Variants in DPYS observed in about 807,000 individuals in gnomAD.
The protein encoded by DPYS is dihydropyrimidinase, also known as dihydropyrimidine amidohydrolase.
DPYS carries 39 observed loss-of-function variants against 50.3 expected under a neutral mutation model. That is an observed-to-expected ratio of 0.78 (90% CI 0.60 to 1.01). The LOEUF is 1.01. DPYS is among the 50% of genes least tolerant of loss of function. The pLI is 0.00. For missense variants in DPYS, 659 were observed against 680.9 expected, an observed-to-expected ratio of 0.97 and a Z score of 0.36; for synonymous variants, 245 against 250.7, an observed-to-expected ratio of 0.98 and a Z score of 0.22.
At chr8:104,427,611 G>A (rs1025385297) in intron 6 of DPYS, among the ~76,000 whole-genome samples, 4 of 151,776 alleles carry the variant, frequency 2.6e-5, no homozygotes, top group South Asian at 2.1e-4. Context: ...TCAAGCATTC[G>A]TGCCAATGAC....
intron 8 of DPYS, among the ~76,000 whole-genome samples, chr8:104,389,411 A>T (rs923305813): frequency 4.6e-5 from 7 of 152,224 alleles, no homozygotes; most frequent in Admixed American, 4.6e-4. Context: ...GCCATAGGGA[A>T]CCATCTCCAG....
intron 7 of DPYS, among the ~76,000 whole-genome samples, chr8:104,394,692 T>A (rs1811518735): frequency 1.3e-5 from 2 of 151,704 alleles, no homozygotes; most frequent in African/African-American, 4.8e-5. Flanking sequence ...ACTTTCCTGC[T>A]TGAAACCCTC....
chr8:104,413,594 T>C (rs997245165), intron 7 of DPYS, among the ~76,000 whole-genome samples: 4 of 152,134 alleles, frequency 2.6e-5, no homozygotes, highest in African/African-American at 9.7e-5. Flanking sequence ...AAACCAGCCA[T>C]TTACTATAAT....
At chr8:104,407,091 T>C (rs576459702) in intron 7 of DPYS, among the ~76,000 whole-genome samples, 3 of 152,368 alleles carry the variant, frequency 2.0e-5, no homozygotes, top group Admixed American at 6.5e-5. Flanking sequence ...ATTTACTGCA[T>C]GCTACTAAAC....
chr8:104,464,213 G>C (rs1416919809), intron 1 of DPYS, among the ~76,000 whole-genome samples: 1 of 152,176 alleles, frequency 6.6e-6, no homozygotes, highest in Non-Finnish European at 1.5e-5. Context: ...AATCCTTTGA[G>C]ATGTTGACAA....
At chr8:104,393,042 G>T in intron 7 of DPYS, 51 bp from the exon 8 acceptor site, 5 of 1,523,942 alleles carry the variant, frequency 3.3e-6, no homozygotes, top group African/African-American at 1.4e-5. Flanking sequence ...CAGCTCACTT[G>T]ATAAATATAA....
At chr8:104,416,897 T>A (rs1812387680) in intron 7 of DPYS, among the ~76,000 whole-genome samples, 1 of 152,108 alleles carries the variant, frequency 6.6e-6, no homozygotes, top group African/African-American at 2.4e-5. Flanking sequence ...TACCCAAGGA[T>A]GACAGTCATT....
chr8:104,409,093 G>A (rs1406698944), intron 7 of DPYS, among the ~76,000 whole-genome samples: 1 of 151,732 alleles, frequency 6.6e-6, no homozygotes, highest in African/African-American at 2.4e-5. Context: ...ACTGTGCCCG[G>A]CCACACATGT....
intron 7 of DPYS, 23 bp from the exon 8 acceptor site, chr8:104,393,014 A>C: frequency 6.2e-7 from 1 of 1,608,942 alleles, no homozygotes; most frequent in Non-Finnish European, 8.5e-7. Context: ...AAACAACAAA[A>C]AAGTTCTGGA....
In DPYS at chr8:104,381,232, G is replaced by A. The variant is rs764262682; in HGVS notation, c.1526C>T (p.Ala509Val). The part of the protein sequence containing the change: ...TLKSRVTKED[A>V]TAGTRKQAHP ...GGCCTGTTTCCTGGTCCCTGCTGTG[G>A]CATCTTCTTTTGTCACTCTGGATTT... Residue 509 changes from alanine (A) to valine (V), a missense_variant, in exon 9 of 10, where the codon GCC becomes GTC. Transcript: ENST00000351513. 1.9e-6 allele frequency: 3 copies of A among 1,614,094 alleles called. No homozygotes were observed. Among genetic ancestry groups the A allele is most frequent in the South Asian group, 1.1e-5 (1 of 91,078 alleles).
Position 104,429,685 on chromosome 8 carries a change from A to G in DPYS, c.810T>C (p.Gly270=). The G allele has an allele frequency of 3.1e-6, 5 of 1,614,122 alleles. No individual in the cohort carries two copies. The highest frequency in any genetic ancestry group is 4.2e-6 in the Non-Finnish European group (5 of 1,180,012). ...TGCCAAGACTGGCTGCTATGGGTTC[A>G]CCATAGACCACCTTCCCTGGAAAGA... ...DARRDGKVVY[G]EPIAASLGTD... Residue 270 remains glycine, a synonymous_variant, in exon 5 of 10, where the codon GGT becomes GGC. Transcript: ENST00000351513.
chr8:104,407,276 T>C lies in DPYS; in HGVS notation c.1236-14285A>G, dbSNP rs572176465. Among the ~76,000 whole-genome samples, 282 of 152,250 alleles carry C rather than the reference T, an allele frequency of 1.9e-3. 2 individuals carry two copies. The highest frequency in any genetic ancestry group is 3.3e-3 in the Non-Finnish European group (223 of 68,046). On this transcript the variant is annotated intron_variant, in intron 7 of 9. Coordinates refer to ENST00000351513, the MANE Select transcript of DPYS (RefSeq NM_001385.3). ...TAGTAAGTGCTTAACCACTGTATAG[T>C]GTCTCTCACTATAAGTGATCCATCC...
rs1274076104 is a variant in DPYS at position 104,424,268 on chromosome 8, A to G, written c.1214T>C (p.Ile405Thr). ...IAVGSDADIV[I>T]WDPKGTRTIS... is the part of the protein sequence containing the mutation. ...TTACCTTGTGCCTTTTGGGTCCCAA[A>G]TAACAATGTCAGCATCTGATCCTAC... The change falls in exon 7 of 10, where the codon ATT becomes ACT. Residue 405 changes from isoleucine to threonine, a missense_variant. Coordinates refer to ENST00000351513, the MANE Select transcript of DPYS (RefSeq NM_001385.3). 1 of 1,614,044 alleles carries G rather than the reference A, an allele frequency of 6.2e-7. No individual in the cohort carries two copies. Among genetic ancestry groups the G allele is most frequent in the Non-Finnish European group, 8.5e-7 (1 of 1,180,012 alleles).
At chr8:104,383,377 A>G (rs987477528) in intron 8 of DPYS, among the ~76,000 whole-genome samples, 18 of 151,938 alleles carry the variant, frequency 1.2e-4, no homozygotes, top group African/African-American at 4.1e-4. Context: ...TAATCTGTTC[A>G]CTCGTCAGTC....
At position 104,411,047 on chromosome 8, in the gene DPYS, C is replaced by T. The variant is rs530060664; in HGVS notation, c.1235+13200G>A. Among the ~76,000 whole-genome samples, 3 of 152,260 alleles carry T rather than the reference C, an allele frequency of 2.0e-5. No homozygotes were observed. The South Asian group carries it at 6.2e-4, about 32-fold the overall frequency. On this transcript the variant is annotated intron_variant, in intron 7 of 9. Transcript: ENST00000351513. ...TACTCCTTTGTCAAGGAGACCAGCACGTGAGACCTCCTTCATCTCTGGTAC... is the reference window on the plus strand; with the variant it reads ...TACTCCTTTGTCAAGGAGACCAGCATGTGAGACCTCCTTCATCTCTGGTAC...
intron 8 of DPYS, among the ~76,000 whole-genome samples, chr8:104,388,916 T>C (rs1186581761): frequency 1.3e-5 from 2 of 152,206 alleles, no homozygotes; most frequent in Non-Finnish European, 2.9e-5. Flanking sequence ...ATCCCACTAT[T>C]TGAAATAAGG....
At chr8:104,436,514 G>A (rs961447546) in intron 4 of DPYS, among the ~76,000 whole-genome samples, 4 of 152,144 alleles carry the variant, frequency 2.6e-5, no homozygotes, top group African/African-American at 9.7e-5. Flanking sequence ...GGAGGCTGAG[G>A]CAGGAGAATC....
chr8:104,424,444 T>C (rs1812653072), intron 6 of DPYS, 55 bp from the exon 7 acceptor site: 5 of 1,578,276 alleles, frequency 3.2e-6, no homozygotes, highest in Non-Finnish European at 3.5e-6. Context: ...AAGTATCCTA[T>C]CGATAAAATG....
chr8:104,459,165 G>C (rs984675594), intron 1 of DPYS, among the ~76,000 whole-genome samples: 1 of 152,126 alleles, frequency 6.6e-6, no homozygotes, highest in Non-Finnish European at 1.5e-5. Flanking sequence ...TGTAGATGGT[G>C]GCCAGTTGCC....
Sources: allele counts gnomAD v4.1 joint callset (sites outside exome capture counted in the v4.1 genomes callset), GRCh38; gene constraint gnomAD v4.1.1; transcripts MANE v1.5; gene names NCBI Gene and HGNC (gene_info 2026-07-23, HGNC 2026-07-21).